KCNIP4: variants seen among roughly 807,000 people sequenced by gnomAD.
KCNIP4 encodes the protein potassium voltage-gated channel interacting protein 4.
A neutral mutation model predicts 34.0 loss-of-function variants in KCNIP4; 12 were observed. The ratio of observed to expected loss-of-function variants is 0.35; its 90% CI spans 0.23 to 0.57. The LOEUF (loss-of-function observed/expected upper bound fraction) is 0.57. Ranked by LOEUF, KCNIP4 falls within the 20% of genes least tolerant of loss-of-function variation. The pLI is 0.83. For synonymous variants in KCNIP4, 124 were observed against 102.2 expected (o/e 1.21, Z -1.29); for missense variants, 238 against 311.7 (o/e 0.76, Z 1.78).
At chr4:21,167,306 C>CA (rs1432729746) in intron 1 of KCNIP4, among the ~76,000 whole-genome samples, 27 of 152,116 alleles carry the variant, frequency 1.8e-4, no homozygotes, top group Admixed American at 5.2e-4. Context: ...ATACATATAC[C>CA]AAAACTTAGA....
chr4:21,115,366 A>AT (rs934871036), intron 1 of KCNIP4, among the ~76,000 whole-genome samples: 7 of 152,148 alleles, frequency 4.6e-5, no homozygotes, highest in Admixed American at 1.3e-4. Flanking sequence ...TTATAATTTG[A>AT]TTTTTTACCT....
intron 1 of KCNIP4, among the ~76,000 whole-genome samples, chr4:21,140,900 T>A (rs184706591): frequency 6.6e-6 from 1 of 152,330 alleles, no homozygotes; most frequent in Admixed American, 6.5e-5. Context: ...GCAGCCTGCC[T>A]CTGTCTCCAC....
intron 3 of KCNIP4, chr4:20,767,214 A>G (rs1755490899): frequency 1.3e-5 from 2 of 151,248 alleles, no homozygotes; most frequent in East Asian, 1.9e-4. Flanking sequence ...CAGCTTATGA[A>G]GTATATATGA....
At chr4:21,002,572 G>A (rs1416285754) in intron 1 of KCNIP4, among the ~76,000 whole-genome samples, 2 of 152,180 alleles carry the variant, frequency 1.3e-5, no homozygotes, top group African/African-American at 4.8e-5. Flanking sequence ...TCAGAACGGG[G>A]TTGTCTGCAG....
chr4:21,130,513 C>T (rs1382114903), intron 1 of KCNIP4, among the ~76,000 whole-genome samples: 1 of 152,152 alleles, frequency 6.6e-6, no homozygotes, highest in Non-Finnish European at 1.5e-5. Context: ...TGCTAATCCA[C>T]AATAGATTTC....
At chr4:20,993,305 T>A (rs1737251505) in intron 1 of KCNIP4, among the ~76,000 whole-genome samples, 1 of 152,086 alleles carries the variant, frequency 6.6e-6, no homozygotes, top group Non-Finnish European at 1.5e-5. Flanking sequence ...AGTGAGAAGA[T>A]CAGGAAAATC....
chr4:21,829,304 T>C (rs2109302945), intron 1 of KCNIP4, among the ~76,000 whole-genome samples: 1 of 152,088 alleles, frequency 6.6e-6, no homozygotes, highest in East Asian at 1.9e-4. Context: ...AAACCATCTG[T>C]AGAGAGAAAA....
chr4:21,507,860 G>A (rs11732183), intron 1 of KCNIP4, among the ~76,000 whole-genome samples: 29,927 of 152,054 alleles, frequency 0.2, 3,216 homozygotes, highest in Non-Finnish European at 0.25. Flanking sequence ...AGTTTGCTGG[G>A]CCCAGTTTAT....
intron 1 of KCNIP4, among the ~76,000 whole-genome samples, chr4:20,944,017 A>G (rs1238076434): frequency 6.6e-6 from 1 of 152,192 alleles, no homozygotes; most frequent in Non-Finnish European, 1.5e-5. Context: ...GGAGGCCTTG[A>G]CCAGTTGCTC....
In KCNIP4 at chr4:20,899,183, T is replaced by A. The variant is rs537194867; in HGVS notation, c.62-16474A>T. Among the ~76,000 whole-genome samples, 286 of 152,304 alleles carry A rather than the reference T, an allele frequency of 1.9e-3. 1 individual carries two copies. Among genetic ancestry groups the A allele is most frequent in the African/African-American group, 6.6e-3 (276 of 41,564 alleles). On this transcript the variant is annotated intron_variant, in intron 1 of 8. Transcript: ENST00000382152. ...TGGGTTCAGAATAAATTGTATTTTT[T>A]AAAAAAGTGTGGGTAGAAAGATCTC... is the stretch of plus-strand genomic sequence containing the variant.
At chr4:21,358,896 G>C (rs780705002) in intron 1 of KCNIP4, among the ~76,000 whole-genome samples, 2 of 151,962 alleles carry the variant, frequency 1.3e-5, no homozygotes, top group Non-Finnish European at 2.9e-5. Flanking sequence ...CCTTTGCTTC[G>C]AGTTATCCTG....
intron 3 of KCNIP4, among the ~76,000 whole-genome samples, chr4:20,828,165 AAG>A: frequency 6.6e-6 from 1 of 152,344 alleles, no homozygotes; most frequent in Non-Finnish European, 1.5e-5. Flanking sequence ...GCGGTGGCTC[AAG>A]CCTGTAATCC....
intron 1 of KCNIP4, among the ~76,000 whole-genome samples, chr4:21,322,152 A>AGAAGGAAGGAAG (rs200900508): frequency 0.013 from 1,799 of 136,758 alleles, 27 homozygotes; most frequent in Middle Eastern, 0.029. Flanking sequence ...AGGGAGGGAC[A>AGAAGGAAGGAAG]GAAGGAAGGA....
At chr4:20,822,824 C>T (rs1407244695) in intron 3 of KCNIP4, among the ~76,000 whole-genome samples, 6 of 152,088 alleles carry the variant, frequency 3.9e-5, no homozygotes, top group African/African-American at 1.4e-4. Context: ...GAGGTGGGAC[C>T]TTTTGAGAAG....
intron 1 of KCNIP4, among the ~76,000 whole-genome samples, chr4:21,060,989 C>T (rs544075829): frequency 6.6e-6 from 1 of 152,228 alleles, no homozygotes; most frequent in South Asian, 2.1e-4. Flanking sequence ...AGATAACGAG[C>T]CTGTTAAAAG....
intron 1 of KCNIP4, among the ~76,000 whole-genome samples, chr4:21,192,920 TA>T (rs1560797316): frequency 2.0e-4 from 11 of 55,372 alleles, no homozygotes; most frequent in African/African-American, 1.9e-3. Context: ...CCGTCTCTAC[TA>T]CTACTACTAC....
rs147996547 is a variant in KCNIP4 at position 21,003,910 on chromosome 4, G to A, written c.62-121201C>T. Among the ~76,000 whole-genome samples, 445 of 152,220 alleles carry A rather than the reference G, an allele frequency of 2.9e-3. 2 individuals carry two copies. The highest frequency in any genetic ancestry group is 6.8e-3 in the Middle Eastern group (2 of 294). On this transcript the variant is annotated intron_variant, in intron 1 of 8. Transcript: ENST00000382152. ...GAATCGCATGATGTGTTTGGGGAAC[G>A]ATTAGAAATTCCATATTACTAAAAA...
At chr4:20,940,008 T>A (rs1418417031) in intron 1 of KCNIP4, among the ~76,000 whole-genome samples, 1 of 152,182 alleles carries the variant, frequency 6.6e-6, no homozygotes, top group East Asian at 1.9e-4. Context: ...AATGACTACG[T>A]CATTCCACTC....
intron 5 of KCNIP4, among the ~76,000 whole-genome samples, chr4:20,735,538 T>C (rs566334458): frequency 6.8e-6 from 1 of 146,952 alleles, no homozygotes; most frequent in Non-Finnish European, 1.5e-5. Flanking sequence ...TTGTTTTTTT[T>C]TTTTTTTTTG....
Sources: allele counts gnomAD v4.1 joint callset (sites outside exome capture counted in the v4.1 genomes callset), GRCh38; gene constraint gnomAD v4.1.1; transcripts MANE v1.5; gene names NCBI Gene and HGNC (gene_info 2026-07-23, HGNC 2026-07-21).